Variants in PDIA4 observed in about 807,000 individuals in gnomAD.
PDIA4 encodes protein disulfide-isomerase A4.
PDIA4 carries 33 observed loss-of-function variants against 62.1 expected under a neutral mutation model. That is an observed-to-expected ratio of 0.53 (90% confidence interval 0.40 to 0.71). The LOEUF (loss-of-function observed/expected upper bound fraction) is 0.71. PDIA4 is among the 30% of genes least tolerant of loss of function. The pLI is 0.00. For missense variants in PDIA4, 804 were observed against 813.6 expected (o/e 0.99, Z 0.14); for synonymous variants, 341 against 324.1 (o/e 1.05, Z -0.56).
At chr7:149,018,450 G>A (rs1366143552) in intron 3 of PDIA4, among the ~76,000 whole-genome samples, 1 of 151,132 alleles carries the variant, frequency 6.6e-6, no homozygotes, top group East Asian at 2.0e-4. Flanking sequence ...TTTATTTTTT[G>A]AAACAGAGTC....
intron 4 of PDIA4, 72 bp downstream of exon 4, chr7:149,014,832 G>A (rs1011175079): frequency 1.0e-5 from 15 of 1,461,626 alleles, no homozygotes; most frequent in Non-Finnish European, 1.4e-5. Context: ...TGCCTCACGG[G>A]CAGGGGCCTG....
rs369114553 is a variant in PDIA4 at position 149,005,132 on chromosome 7, C to G, written c.1522+9G>C. Reference sequence around the variant, plus strand: ...TGATGGGAGACCCCAGCCCCAGCCACGGGCTCACCTTTTTTGAAAGCAGTG... The same window carrying G: ...TGATGGGAGACCCCAGCCCCAGCCAGGGGCTCACCTTTTTTGAAAGCAGTG... On this transcript the variant is annotated intron_variant, in intron 9 of 9. Coordinates refer to ENST00000652332, the MANE Select transcript of PDIA4 (RefSeq NM_004911.5). The G allele has an allele frequency of 6.2e-7, 1 of 1,601,860 alleles. No individual in the cohort carries two copies. Among genetic ancestry groups the G allele is most frequent in the East Asian group, 2.2e-5 (1 of 44,820 alleles).
At chr7:149,010,497 A>G (rs1585416142) in intron 6 of PDIA4, among the ~76,000 whole-genome samples, 2 of 152,104 alleles carry the variant, frequency 1.3e-5, no homozygotes, top group East Asian at 3.9e-4. Flanking sequence ...CCGGTCTCAA[A>G]ATAAATAAAT....
intron 8 of PDIA4, 37 bp downstream of exon 8, chr7:149,005,859 AC>A (rs761024602): frequency 1.5e-5 from 21 of 1,429,780 alleles, no homozygotes; most frequent in Admixed American, 2.9e-5. Context: ...GAGTCCCCCC[AC>A]CCCCCACCCC....
At chr7:149,028,259 C>T (rs1012275941) in intron 1 of PDIA4, 62 bp downstream of exon 1, 5 of 1,274,564 alleles carry the variant, frequency 3.9e-6, no homozygotes, top group Non-Finnish European at 4.3e-6. Flanking sequence ...AGGGCCCAGG[C>T]CCCCGCACAG....
chr7:149,015,061 G>C lies in PDIA4; in HGVS notation c.476-19C>G, dbSNP rs1163089494. ...ACAATTTCTGAAAGAAACCAAGCAA[G>C]ACTGAGCACACAAGGCCCAAACTGG... On this transcript the variant is annotated intron_variant, in intron 3 of 9. Transcript: ENST00000652332. The C allele has an allele frequency of 1.9e-6, 3 of 1,613,820 alleles. No homozygotes were observed. Among genetic ancestry groups the C allele is most frequent in the East Asian group, 4.5e-5 (2 of 44,882 alleles).
intron 1 of PDIA4, among the ~76,000 whole-genome samples, chr7:149,025,565 C>T (rs1824520941): frequency 6.6e-6 from 1 of 152,154 alleles, no homozygotes. Flanking sequence ...CTGTATTACA[C>T]GTTATATTGT....
At position 149,023,274 on chromosome 7, in the gene PDIA4, C is replaced by G. The variant is rs191896249; in HGVS notation, c.89-2127G>C. Among the ~76,000 whole-genome samples the G allele has an allele frequency of 1.2e-3, 182 of 152,312 alleles. 1 individual carries two copies. Among genetic ancestry groups the G allele is most frequent in the African/African-American group, 4.2e-3 (175 of 41,572 alleles). On this transcript the variant is annotated intron_variant, in intron 1 of 9. Coordinates refer to ENST00000652332, the MANE Select transcript of PDIA4 (RefSeq NM_004911.5). ...CCCAAGGTTTTCTGGTCTCCCTTTT[C>G]AGATCATTCTAGACCCCCAAGAGGG...
chr7:149,016,515 T>TA (rs1824144415), intron 3 of PDIA4, among the ~76,000 whole-genome samples: 1 of 151,548 alleles, frequency 6.6e-6, no homozygotes, highest in South Asian at 2.1e-4. Context: ...AGAAACCTGT[T>TA]ACACTAGTAC....
chr7:149,021,219 G>A (rs958814741), intron 1 of PDIA4, 72 bp from the exon 2 acceptor site: 67 of 1,485,906 alleles, frequency 4.5e-5, no homozygotes, highest in Admixed American at 6.2e-5. Flanking sequence ...GGCCGGGCGC[G>A]GTGGCTCACA....
rs774746630 is a variant in PDIA4, at chr7:149,019,097, A to C, written c.370T>G (p.Ser124Ala). 16 of 1,613,536 alleles carry C rather than the reference A, an allele frequency of 9.9e-6. No individual in the cohort carries two copies. In the African/African-American group the frequency reaches 1.7e-4, roughly 18 times the overall value. ...AACCTGCTGGCCAGCACAGACGCTG[A>C]GGTTGCATCGATCTTGGCAACAGGA... ...PIPVAKIDATSASVLASRFDV... is the reference protein window; with the variant it reads ...PIPVAKIDATAASVLASRFDV... Residue 124 changes from serine to alanine, a missense_variant, in exon 3 of 10, where the codon TCA becomes GCA. Physicochemically the swap from Ser to Ala is moderately conservative, Grantham distance 99 (BLOSUM62 1). Coordinates refer to ENST00000652332, the MANE Select transcript of PDIA4 (RefSeq NM_004911.5).
At chr7:149,023,375 A>G (rs1462961108) in intron 1 of PDIA4, among the ~76,000 whole-genome samples, 2 of 152,238 alleles carry the variant, frequency 1.3e-5, no homozygotes, top group Non-Finnish European at 2.9e-5. Flanking sequence ...TCTTTGAATG[A>G]ATCGTGTGAG....
At position 149,005,357 on chromosome 7, in the gene PDIA4, T is replaced by C. The variant is rs1206534716; in HGVS notation, c.1306A>G (p.Ser436Gly). The C allele has an allele frequency of 3.7e-6, 6 of 1,613,894 alleles. No individual in the cohort carries two copies. The South Asian group carries it at 4.4e-5, about 12-fold the overall frequency. The change falls in exon 9 of 10, where the codon AGC becomes GGC. Residue 436 changes from serine to glycine, a missense_variant. Physicochemically the swap from Ser to Gly is moderately conservative, Grantham distance 56 (BLOSUM62 0). Transcript: ENST00000652332. ...TCCTTGGCCACCTCTAGGACTTTGCTCCGCCAAAACTGAGTTGCTGAAAGG... is the reference window on the plus strand; with the variant it reads ...TCCTTGGCCACCTCTAGGACTTTGCCCCGCCAAAACTGAGTTGCTGAAAGG... ...DYRAATQFWR[S>G]KVLEVAKDFP...
intron 2 of PDIA4, among the ~76,000 whole-genome samples, chr7:149,020,669 CTG>C (rs1491557348): frequency 6.6e-6 from 1 of 152,210 alleles, no homozygotes; most frequent in Admixed American, 6.5e-5. Context: ...ACACAGGGCT[CTG>C]TGTCATTGCC....
At position 149,005,305 on chromosome 7, in the gene PDIA4, G is replaced by A. The variant is rs773691522; in HGVS notation, c.1358C>T (p.Ala453Val). 9.3e-6 allele frequency: 15 copies of A among 1,613,910 alleles called. No individual in the cohort carries two copies. Among genetic ancestry groups the A allele is most frequent in the Admixed American group, 3.3e-5 (2 of 59,998 alleles). ...CTCCCCAGCATAGTCCTCTTCGTCC[G>A]CAATGGCAAAGGTGTACTCAGGGAA... ...KDFPEYTFAI[A>V]DEEDYAGEVK... The change falls in exon 9 of 10, where the codon GCG becomes GTG. Residue 453 changes from alanine (A) to valine (V), a missense_variant. Ala to Val is a moderately conservative substitution (Grantham distance 64, BLOSUM62 0). Coordinates refer to ENST00000652332, the MANE Select transcript of PDIA4 (RefSeq NM_004911.5).
intron 4 of PDIA4, among the ~76,000 whole-genome samples, chr7:149,012,969 C>T (rs1345068725): frequency 1.3e-5 from 2 of 152,114 alleles, no homozygotes; most frequent in African/African-American, 4.8e-5. Flanking sequence ...AAGAACTGGC[C>T]GGGCGCAGTG....
chr7:149,005,410 C>T (rs771222787), intron 8 of PDIA4, 36 bp from the exon 9 acceptor site: 16 of 1,399,076 alleles, frequency 1.1e-5, no homozygotes, highest in Non-Finnish European at 1.4e-5. Flanking sequence ...CAGGCGGCCA[C>T]ACAGAGCAAG....
chr7:149,020,115 C>A (rs892087569), intron 2 of PDIA4, among the ~76,000 whole-genome samples: 2 of 152,086 alleles, frequency 1.3e-5, no homozygotes, highest in African/African-American at 4.8e-5. Context: ...TGCGTGCCAA[C>A]CACCATGCCT....
In PDIA4 at chr7:149,021,100, C is replaced by T; in HGVS notation, c.136G>A (p.Glu46Lys). 6.2e-7 allele frequency: 1 copy of T among 1,609,770 alleles called. No homozygotes were observed. ...NAIEDEEEEE[E>K]EDDDEEEDDL... is the part of the protein sequence containing the mutation. The stretch of plus-strand genomic sequence containing the variant: ...TCTTCTTCCTCATCATCATCTTCCT[C>T]CTCCTCCTCCTCTTCATCCTCAATG... Residue 46 changes from glutamate to lysine, a missense_variant, in exon 2 of 10, where the codon GAG (glutamate) becomes AAG (lysine). Physicochemically the swap from Glu to Lys is moderately conservative, Grantham distance 56. Coordinates refer to ENST00000652332, the MANE Select transcript of PDIA4 (RefSeq NM_004911.5).
Sources: gnomAD v4.1 joint callset for allele counts (sites outside exome capture counted in the v4.1 genomes callset) on GRCh38, gnomAD v4.1.1 for gene constraint, MANE v1.5 for transcripts, NCBI Gene and HGNC (gene_info 2026-07-23, HGNC 2026-07-21) for gene names.